Variants in SAXO5 observed in about 807,000 individuals in gnomAD.
SAXO5 encodes the protein testis expressed 45.
chr19:7,499,932 T>TTTTGTGTG, the SAXO5 span: 1 of 108,930 alleles, frequency 9.2e-6, no homozygotes, highest in Non-Finnish European at 2.1e-5. Flanking sequence ...CTTGTCTAAT[T>TTTTGTGTG]TGTGTGTGTG....
At chr19:7,501,227 C>T in the SAXO5 span, 7 of 1,551,004 alleles carry the variant, frequency 4.5e-6, no homozygotes, top group Non-Finnish European at 6.0e-6. Flanking sequence ...ACGGCTGGCC[C>T]GAGCTGCCGG....
At chr19:7,506,276 C>T in the SAXO5 span, 11 of 952,660 alleles carry the variant, frequency 1.2e-5, no homozygotes, top group Non-Finnish European at 1.4e-5. Context: ...CCCCACGGAG[C>T]CCCGTCCCGG....
chr19:7,505,631 G>A, the SAXO5 span: 1 of 1,613,602 alleles, frequency 6.2e-7, no homozygotes, highest in South Asian at 1.1e-5. Context: ...GGCCAGGTGA[G>A]CAGGAAGAGC....
At chr19:7,501,143 C>T in the SAXO5 span, 1 of 1,509,060 alleles carries the variant, frequency 6.6e-7, no homozygotes, top group Non-Finnish European at 8.8e-7. Context: ...GCACGCTCGC[C>T]ATGCAGGCCG....
At chr19:7,497,980 G>C in the SAXO5 span, among the ~76,000 whole-genome samples, 1 of 151,804 alleles carries the variant, frequency 6.6e-6, no homozygotes, top group African/African-American at 2.4e-5. Flanking sequence ...GCGAAACCCC[G>C]TCTCTACTAA....
At chr19:7,508,386 C>G in the SAXO5 span, 1 of 1,613,448 alleles carries the variant, frequency 6.2e-7, no homozygotes. Flanking sequence ...GATAGACCCT[C>G]TGGTCCCCCA....
chr19:7,507,347 C>A, the SAXO5 span, among the ~76,000 whole-genome samples: 4 of 152,260 alleles, frequency 2.6e-5, no homozygotes, highest in Admixed American at 2.6e-4. Flanking sequence ...CTTTGGGAGG[C>A]CGAAGCAGGC....
At chr19:7,500,521 G>C in the SAXO5 span, among the ~76,000 whole-genome samples, 43,522 of 151,780 alleles carry the variant, frequency 0.29, 6,650 homozygotes, top group Non-Finnish European at 0.34. Flanking sequence ...CGTTGGCCAG[G>C]CTGGTCTCGA....
At chr19:7,506,593 T>A in the SAXO5 span, 1 of 320,500 alleles carries the variant, frequency 3.1e-6, no homozygotes, top group East Asian at 9.6e-5. Context: ...GCCCACAGAC[T>A]CATCTGGCCC....
chr19:7,506,239 A>G, the SAXO5 span: 10 of 431,652 alleles, frequency 2.3e-5, no homozygotes, highest in South Asian at 4.8e-5. Context: ...CCCCGCCCCC[A>G]TGGAGCCCCT....
At chr19:7,507,864 AGGC>A in the SAXO5 span, among the ~76,000 whole-genome samples, 1 of 151,936 alleles carries the variant, frequency 6.6e-6, no homozygotes, top group Non-Finnish European at 1.5e-5. Context: ...CTCTGTCCCT[AGGC>A]GGCCCCACCT....
At chr19:7,505,903 C>T in the SAXO5 span, 16 of 1,442,960 alleles carry the variant, frequency 1.1e-5, no homozygotes, top group South Asian at 5.3e-5. Context: ...CCTCCTCCCT[C>T]CCCCCCGGGC....
chr19:7,507,106 C>T, the SAXO5 span: 6 of 1,613,946 alleles, frequency 3.7e-6, no homozygotes, highest in Admixed American at 8.3e-5. Flanking sequence ...ACACAGAACA[C>T]CTCCGGCCCC....
the SAXO5 span, chr19:7,500,666 C>G: frequency 1.6e-6 from 1 of 638,286 alleles, no homozygotes. Context: ...GTACCAGTTT[C>G]CCGTGATGTC....
chr19:7,500,767 T>TTG, the SAXO5 span: 1 of 1,372,258 alleles, frequency 7.3e-7, no homozygotes, highest in Non-Finnish European at 9.5e-7. Flanking sequence ...AGTGCCCCAA[T>TTG]GGGCACTTGC....
At chr19:7,499,932 T>TGTGTGTGTGTGTGTG in the SAXO5 span, 3 of 108,930 alleles carry the variant, frequency 2.8e-5, no homozygotes, top group African/African-American at 9.6e-5. Context: ...CTTGTCTAAT[T>TGTGTGTGTGTGTGTG]TGTGTGTGTG....
the SAXO5 span, chr19:7,504,503 C>G: frequency 3.0e-5 from 29 of 971,278 alleles, no homozygotes; most frequent in Non-Finnish European, 4.7e-5. Context: ...GTCAGGAGCT[C>G]GAGACCAGCC....
the SAXO5 span, among the ~76,000 whole-genome samples, chr19:7,499,261 G>T: frequency 6.6e-6 from 1 of 151,196 alleles, no homozygotes. Context: ...GCAGTGAGCT[G>T]AGATCGTGCC....
the SAXO5 span, among the ~76,000 whole-genome samples, chr19:7,507,797 G>C: frequency 2.0e-5 from 3 of 151,996 alleles, no homozygotes; most frequent in African/African-American, 7.3e-5. Context: ...CCCAGCCTGG[G>C]GCCCTTTTTG....
Sources: allele counts gnomAD v4.1 joint callset (sites outside exome capture counted in the v4.1 genomes callset), GRCh38; gene constraint gnomAD v4.1.1; transcripts MANE v1.5; gene names NCBI Gene and HGNC (gene_info 2026-07-23, HGNC 2026-07-21).